CEP104: variants seen among roughly 807,000 people sequenced by gnomAD.
CEP104 encodes the protein centrosomal protein of 104 kDa.
A neutral mutation model predicts 113.3 loss-of-function variants in CEP104; 84 were observed. That is an observed-to-expected ratio of 0.74 (90% CI 0.62 to 0.89). CEP104 has a LOEUF of 0.89. Among genes scored for constraint, CEP104 ranks in the 40% least tolerant of loss-of-function variants. CEP104 has a pLI of 0.00. For synonymous variants in CEP104, 378 were observed against 421.7 expected, an observed-to-expected ratio of 0.90 and a Z score of 1.27; for missense variants, 1,053 against 1,156.6, an observed-to-expected ratio of 0.91 and a Z score of 1.30.
chr1:3,823,355 G>A lies in CEP104; in HGVS notation c.2503+69C>T. ...ACCAAGCCCTTGCACAGGCTCAAGA[G>A]CAGTGGCACTTCCTCCAAGAGGACC... On this transcript the variant is annotated intron_variant, in intron 19 of 21. Coordinates refer to ENST00000378230, the MANE Select transcript of CEP104 (RefSeq NM_014704.4). The surrounding 1 kb of genome is among the most constrained non-coding windows in gnomAD (Gnocchi z 4.1). 6.2e-7 allele frequency: 1 copy of A among 1,611,878 alleles called. No individual in the cohort carries two copies. Among genetic ancestry groups the A allele is most frequent in the Non-Finnish European group, 8.5e-7 (1 of 1,178,016 alleles).
intron 21 of CEP104, 115 bp downstream of exon 21, chr1:3,816,165 A>T (rs34049022): frequency 7.1e-6 from 6 of 840,188 alleles, no homozygotes; most frequent in South Asian, 1.9e-5. Flanking sequence ...TGGATGCTTT[A>T]TTTTGCTTTT....
chr1:3,837,841 CGGT>C (rs1644344318), intron 8 of CEP104, among the ~76,000 whole-genome samples: 1 of 152,230 alleles, frequency 6.6e-6, no homozygotes, highest in African/African-American at 2.4e-5. Context: ...TGCAGGAGCA[CGGT>C]GGTGTGGAGA....
At chr1:3,821,668 A>G (rs1315277751) in intron 20 of CEP104, among the ~76,000 whole-genome samples, 5 of 152,056 alleles carry the variant, frequency 3.3e-5, no homozygotes, top group Admixed American at 2.0e-4. Flanking sequence ...AAGCGGCCAC[A>G]CTCACACCGA....
rs113547118 is a variant in CEP104 at position 3,824,576 on chromosome 1, A to C, written c.2365-1014T>G. Among the ~76,000 whole-genome samples the C allele has an allele frequency of 5.8e-3, 881 of 152,344 alleles. 3 individuals are homozygous for C. Among genetic ancestry groups the C allele is most frequent in the Non-Finnish European group, 7.4e-3 (505 of 68,010 alleles). ...TGCTGTGGAGTGGGAGCAGATGGTCACAATTCATGCGACTGACCAACCACT... is the reference window on the plus strand; with the variant it reads ...TGCTGTGGAGTGGGAGCAGATGGTCCCAATTCATGCGACTGACCAACCACT... On this transcript the variant is annotated intron_variant, in intron 18 of 21. Coordinates refer to ENST00000378230, the MANE Select transcript of CEP104 (RefSeq NM_014704.4).
intron 7 of CEP104, 115 bp from the exon 8 acceptor site, chr1:3,839,234 A>C (rs959231090): frequency 1.1e-6 from 1 of 922,542 alleles, no homozygotes; most frequent in Non-Finnish European, 1.7e-6. Flanking sequence ...GAGTGAGCAC[A>C]GGGAAATGGA....
rs1643809652 is a variant in CEP104 at position 3,812,276 on chromosome 1, C to A, written c.*3126G>T. Reference sequence around the variant, plus strand: ...AAACATTTACATTTGTATCCTAATGCCAATTTATACATACAATTCTTTTAA... The same window carrying A: ...AAACATTTACATTTGTATCCTAATGACAATTTATACATACAATTCTTTTAA... On this transcript the variant is annotated 3_prime_UTR_variant, in exon 22 of 22. Coordinates refer to ENST00000378230, the MANE Select transcript of CEP104 (RefSeq NM_014704.4). The A allele has an allele frequency of 6.6e-6, 1 of 151,922 alleles. No individual in the cohort carries two copies. Among genetic ancestry groups the A allele is most frequent in the African/African-American group, 2.4e-5 (1 of 41,358 alleles). The allele number at this position is 151,922 out of a possible 1,614,324, so 9.4% of individuals were successfully genotyped here. A position where few individuals can be genotyped will look rare whatever the true frequency, so the allele number is the denominator to read the frequency against.
Position 3,812,271 on chromosome 1 carries a change from T to C in CEP104, c.*3131A>G, listed in dbSNP as rs1029125902. 2.0e-5 allele frequency: 3 copies of C among 152,332 alleles called. No homozygotes were observed. Among genetic ancestry groups the C allele is most frequent in the Non-Finnish European group, 1.5e-5 (1 of 68,018 alleles). 9.4% of individuals were successfully genotyped at this position (152,332 alleles called of 1,614,324 possible). ...ATTAAAAACATTTACATTTGTATCC[T>C]AATGCCAATTTATACATACAATTCT... On this transcript the variant is annotated 3_prime_UTR_variant, in exon 22 of 22. Coordinates refer to ENST00000378230, the MANE Select transcript of CEP104 (RefSeq NM_014704.4).
chr1:3,837,337 T>G lies in CEP104; in HGVS notation c.1074A>C (p.Ala358=), dbSNP rs1644333946. 1.2e-6 allele frequency: 2 copies of G among 1,613,992 alleles called. No homozygotes were observed. The highest frequency in any genetic ancestry group is 2.7e-5 in the African/African-American group (2 of 74,920). ...CTGTGGCAGGGAGTAACGGGTCTAC[T>G]GCAGAATGCTGAGGAGAAATAGTTA... The part of the protein sequence containing the change: ...YSLTISPQHS[A]VDPLLPATDP... Residue 358 remains alanine (A), a synonymous_variant, in exon 9 of 22, where the codon GCA becomes GCC. Transcript: ENST00000378230.
At chr1:3,850,101 C>A (rs1301948006) in intron 2 of CEP104, among the ~76,000 whole-genome samples, 1 of 152,202 alleles carries the variant, frequency 6.6e-6, no homozygotes, top group African/African-American at 2.4e-5. Flanking sequence ...TAGGCTGTAC[C>A]ATCTGGGTTT....
At chr1:3,834,889 T>A in intron 11 of CEP104, 36 bp downstream of exon 11, 1 of 1,549,284 alleles carries the variant, frequency 6.5e-7, no homozygotes, top group Non-Finnish European at 8.7e-7. Context: ...ATCTCATCCA[T>A]GCACGCTGGA....
Position 3,819,897 on chromosome 1 carries a change from G to C in CEP104, c.2571+3277C>G, listed in dbSNP as rs919842862. Among the ~76,000 whole-genome samples the C allele has an allele frequency of 6.6e-6, 1 of 152,224 alleles. No homozygotes were observed. Among genetic ancestry groups the C allele is most frequent in the African/African-American group, 2.4e-5 (1 of 41,460 alleles). On this transcript the variant is annotated intron_variant, in intron 20 of 21. Transcript: ENST00000378230. This position sits in a 1 kb window ranked among gnomAD's most constrained non-coding sequence, Gnocchi z 4.6. Reference sequence around the variant, plus strand: ...GAGGCCCCCGGTGCTGACGGTGGGGGCCTCTAGGAGTTGAGTGGCTCCGGG... The same window carrying C: ...GAGGCCCCCGGTGCTGACGGTGGGGCCCTCTAGGAGTTGAGTGGCTCCGGG...
intron 12 of CEP104, among the ~76,000 whole-genome samples, chr1:3,831,748 T>C (rs1383845801): frequency 6.6e-6 from 1 of 152,190 alleles, no homozygotes; most frequent in Admixed American, 6.5e-5. Flanking sequence ...ATTTATCACT[T>C]AATTAACCGG....
intron 1 of CEP104, 72 bp downstream of exon 1, chr1:3,856,800 ACCGCGCCCCCGCGGCGC>A (rs1363683285): frequency 1.4e-5 from 2 of 147,980 alleles, no homozygotes; most frequent in Non-Finnish European, 3.0e-5. Context: ...CCAGGTGGGG[ACCGCGCCCCCGCGGCGC>A]CCGCGCCCCG....
intron 4 of CEP104, among the ~76,000 whole-genome samples, chr1:3,845,984 C>T (rs1291242471): frequency 6.8e-6 from 1 of 147,638 alleles, no homozygotes; most frequent in African/African-American, 2.5e-5. Context: ...GAGGCTGAGG[C>T]AGGAGAATTG....
chr1:3,831,735 G>A (rs1029565418), intron 12 of CEP104, among the ~76,000 whole-genome samples: 1 of 152,150 alleles, frequency 6.6e-6, no homozygotes, highest in African/African-American at 2.4e-5. Flanking sequence ...ACGTAATTAA[G>A]ATATTTATCA....
chr1:3,829,280 G>C lies in CEP104; in HGVS notation c.2137C>G (p.Gln713Glu), dbSNP rs1311531310. The C allele has an allele frequency of 4.4e-6, 7 of 1,582,810 alleles. No homozygotes were observed. The highest frequency in any genetic ancestry group is 5.1e-6 in the Non-Finnish European group (6 of 1,172,148). Residue 713 changes from glutamine (Q) to glutamate (E), a missense_variant, in exon 15 of 22, where the codon CAG becomes GAG. Physicochemically the swap from Gln to Glu is conservative, Grantham distance 29. Transcript: ENST00000378230. ...QGQLAALKEI[Q>E]AEVQEKESDA... is the part of the protein sequence containing the mutation. ...TAACTTCCAACCTGAACTTCAGCCT[G>C]AATTTCTTTCAGTGCTGCCAGCTGC... is the stretch of plus-strand genomic sequence containing the variant.
At position 3,821,119 on chromosome 1, in the gene CEP104, T is replaced by C. The variant is rs562756369; in HGVS notation, c.2571+2055A>G. On this transcript the variant is annotated intron_variant, in intron 20 of 21. Coordinates refer to ENST00000378230, the MANE Select transcript of CEP104 (RefSeq NM_014704.4). The stretch of plus-strand genomic sequence containing the variant: ...CCCCAGCGCTGTCCTGAGACATCCA[T>C]TCCTGCTAATGGGAACCAGGCCTCT... Among the ~76,000 whole-genome samples, 4 of 152,334 alleles carry C rather than the reference T, an allele frequency of 2.6e-5. No individual in the cohort carries two copies. In the East Asian group the frequency reaches 5.8e-4, roughly 22 times the overall value.
At chr1:3,834,634 G>C (rs923179256) in intron 11 of CEP104, among the ~76,000 whole-genome samples, 1 of 152,342 alleles carries the variant, frequency 6.6e-6, no homozygotes, top group Middle Eastern at 3.4e-3. Flanking sequence ...TGGTAGCATT[G>C]AACTAGGCCT....
chr1:3,856,018 C>T, intron 1 of CEP104: 2 of 854,726 alleles, frequency 2.3e-6, no homozygotes, highest in Non-Finnish European at 2.8e-6. Flanking sequence ...TGGTAAAAGG[C>T]AATTAACTAT....
Sources: allele counts gnomAD v4.1 joint callset (sites outside exome capture counted in the v4.1 genomes callset), GRCh38; gene constraint gnomAD v4.1.1; non-coding constraint Gnocchi (gnomAD v3.1); transcripts MANE v1.5; gene names NCBI Gene and HGNC (gene_info 2026-07-23, HGNC 2026-07-21).